VPS37A: variants seen among roughly 807,000 people sequenced by gnomAD.
VPS37A encodes the protein vacuolar protein sorting-associated protein 37A.
VPS37A carries 30 observed loss-of-function variants against 49.8 expected under a neutral mutation model. The observed-to-expected ratio is 0.60, with a 90% CI of 0.45 to 0.82. The LOEUF (loss-of-function observed/expected upper bound fraction) is 0.82. Among genes scored for constraint, VPS37A ranks in the 40% least tolerant of loss-of-function variants. The probability of loss-of-function intolerance (pLI) is 0.00; values close to 1 mark genes in which losing one functional copy is unlikely to be tolerated. For missense variants in VPS37A, 593 were observed against 464.4 expected, an observed-to-expected ratio of 1.28 and a Z score of -2.55; for synonymous variants, 195 against 160.6, an observed-to-expected ratio of 1.21 and a Z score of -1.62.
the VPS37A span, among the ~76,000 whole-genome samples, chr8:17,308,286 A>T: frequency 1.3e-5 from 2 of 152,050 alleles, no homozygotes; most frequent in Non-Finnish European, 2.9e-5. Flanking sequence ...TATCTTGGAG[A>T]TCCTAACTGC....
chr8:17,320,243 A>G, the VPS37A span, among the ~76,000 whole-genome samples: 1 of 152,164 alleles, frequency 6.6e-6, no homozygotes, highest in East Asian at 1.9e-4. Context: ...TTTTACTTCT[A>G]TGCACAGTAT....
At chr8:17,268,494 A>G in intron 3 of VPS37A, 122 bp downstream of exon 3, 1 of 731,632 alleles carries the variant, frequency 1.4e-6, no homozygotes, top group Non-Finnish European at 2.1e-6. Context: ...TTTTTTAAAA[A>G]TTGAATATTT....
At position 17,276,420 on chromosome 8, in the gene VPS37A, C is replaced by T. The variant is rs1814516653; in HGVS notation, c.666C>T (p.Tyr222=). ...SIPTSQNGFG[Y]KMPDVPDAFP... is the part of the protein sequence containing the mutation. ...AGACAAGCCAAAATGGTTTTGGGTA[C>T]AAGATGCCAGATGTCCCTGATGCAT... The change falls in exon 6 of 12, where the codon TAC becomes TAT. Residue 222 remains tyrosine (Y), a synonymous_variant. Coordinates refer to ENST00000324849, the MANE Select transcript of VPS37A (RefSeq NM_152415.3). The T allele has an allele frequency of 1.9e-6, 3 of 1,611,992 alleles. No homozygotes were observed. The South Asian group carries it at 3.3e-5, about 18-fold the overall frequency.
the VPS37A span, among the ~76,000 whole-genome samples, chr8:17,322,489 G>A: frequency 0.59 from 89,974 of 152,038 alleles, 28,757 homozygotes; most frequent in African/African-American, 0.83. Flanking sequence ...GGAAAAGTGA[G>A]TATTAACTGC....
downstream of VPS37A, chr8:17,304,464 A>G (rs370848870): frequency 5.6e-6 from 9 of 1,613,982 alleles, no homozygotes; most frequent in African/African-American, 1.3e-5. Flanking sequence ...GGATTCAGGT[A>G]GTCGGCCCGA....
rs773396639 is a variant in VPS37A, at chr8:17,274,776, G to A, written c.460G>A (p.Gly154Ser). ...PSGMSPYASQ[G>S]FPFLPPYPPQ... ...TGGGATGTCTCCTTATGCTTCTCAG[G>A]GTTTTCCATTTCTTCCTCCATATCC... is the stretch of plus-strand genomic sequence containing the variant. Residue 154 changes from glycine (G) to serine (S), a missense_variant, in exon 5 of 12, where the codon GGT becomes AGT. Gly to Ser is a moderately conservative substitution (Grantham distance 56, BLOSUM62 0). Coordinates refer to ENST00000324849, the MANE Select transcript of VPS37A (RefSeq NM_152415.3). The A allele has an allele frequency of 3.7e-6, 6 of 1,613,802 alleles. No individual in the cohort carries two copies. The East Asian group carries it at 1.1e-4, about 30-fold the overall frequency.
chr8:17,274,668 T>C, intron 4 of VPS37A, 65 bp from the exon 5 acceptor site: 1 of 1,346,140 alleles, frequency 7.4e-7, no homozygotes, highest in Non-Finnish European at 1.0e-6. Context: ...TAGAACAATT[T>C]AGAAACAATT....
intron 5 of VPS37A, 147 bp downstream of exon 5, chr8:17,275,105 T>A: frequency 1.4e-6 from 1 of 735,976 alleles, no homozygotes; most frequent in Non-Finnish European, 2.2e-6. Flanking sequence ...AAGTAACAGG[T>A]AACCAACAAA....
At chr8:17,280,507 C>T (rs1814955582) in intron 9 of VPS37A, 64 bp downstream of exon 9, 1 of 1,404,570 alleles carries the variant, frequency 7.1e-7, no homozygotes, top group East Asian at 2.3e-5. Context: ...TGCATGAGTC[C>T]TGATCTCACT....
rs919917656 is a variant in VPS37A, at chr8:17,297,881, T to C, written c.*2895T>C. 1 of 152,014 alleles carries C rather than the reference T, an allele frequency of 6.6e-6. No homozygotes were observed. Among genetic ancestry groups the C allele is most frequent in the African/African-American group, 2.4e-5 (1 of 41,422 alleles). 9.4% of individuals were successfully genotyped at this position (152,014 alleles called of 1,614,324 possible). A position where few individuals can be genotyped will look rare whatever the true frequency, so the allele number is the denominator to read the frequency against. ...GCAGACGAACATGTTACATAAATTATAATGTCTGTCTTGTAAAAAAGTTGA... is the reference window on the plus strand; with the variant it reads ...GCAGACGAACATGTTACATAAATTACAATGTCTGTCTTGTAAAAAAGTTGA... On this transcript the variant is annotated 3_prime_UTR_variant, in exon 12 of 12. Transcript: ENST00000324849.
chr8:17,313,477 G>T, the VPS37A span: 1 of 904,500 alleles, frequency 1.1e-6, no homozygotes, highest in South Asian at 1.8e-5. Context: ...TTTATAGGTA[G>T]TTTGTTAATG....
intron 1 of VPS37A, among the ~76,000 whole-genome samples, chr8:17,254,346 C>A (rs1812241047): frequency 6.6e-6 from 1 of 152,164 alleles, no homozygotes; most frequent in Non-Finnish European, 1.5e-5. Flanking sequence ...AGCTTAGAGG[C>A]TGTCTCTGTG....
At chr8:17,298,588 T>C (rs1212422021), downstream of VPS37A, 1 of 152,596 alleles carries the variant, frequency 6.6e-6, no homozygotes, top group Admixed American at 6.5e-5. Flanking sequence ...AATTGTAAAG[T>C]TTAAATTAAT....
At chr8:17,250,423 C>T (rs1811865425) in intron 1 of VPS37A, among the ~76,000 whole-genome samples, 1 of 152,126 alleles carries the variant, frequency 6.6e-6, no homozygotes, top group Non-Finnish European at 1.5e-5. Flanking sequence ...AAAGAATTTC[C>T]AGTGTGTTTT....
At chr8:17,249,327 G>A (rs1327102958) in intron 1 of VPS37A, among the ~76,000 whole-genome samples, 1 of 152,124 alleles carries the variant, frequency 6.6e-6, no homozygotes, top group African/African-American at 2.4e-5. Flanking sequence ...GTAAATACGC[G>A]GAGTTGGATA....
intron 4 of VPS37A, among the ~76,000 whole-genome samples, chr8:17,273,587 C>T (rs1366680228): frequency 6.6e-6 from 1 of 152,058 alleles, no homozygotes; most frequent in East Asian, 1.9e-4. Flanking sequence ...AGGATGGTCT[C>T]GATCCCCTGA....
At chr8:17,300,226 TAAGA>T, downstream of VPS37A, 2 of 1,596,504 alleles carry the variant, frequency 1.3e-6, no homozygotes, top group East Asian at 2.2e-5. Flanking sequence ...TTCCAGCCTC[TAAGA>T]AAGAAATAAC....
chr8:17,247,223 C>G lies in VPS37A; in HGVS notation c.-22C>G. On this transcript the variant is annotated 5_prime_UTR_variant, in exon 1 of 12. Transcript: ENST00000324849. The stretch of plus-strand genomic sequence containing the variant: ...AGCAGGCCAGAGCCTTCCAGGGCCT[C>G]CGGCCCGTGGACCCGAGGAGGATGA... 1 of 1,563,820 alleles carries G rather than the reference C, an allele frequency of 6.4e-7. No homozygotes were observed. Among genetic ancestry groups the G allele is most frequent in the African/African-American group, 1.4e-5 (1 of 73,704 alleles).
chr8:17,323,085 C>T, the VPS37A span, among the ~76,000 whole-genome samples: 2 of 151,316 alleles, frequency 1.3e-5, no homozygotes, highest in African/African-American at 2.4e-5. Context: ...GTAGCTGGGA[C>T]TACAGGCATA....
Sources: allele counts gnomAD v4.1 joint callset (sites outside exome capture counted in the v4.1 genomes callset), GRCh38; gene constraint gnomAD v4.1.1; transcripts MANE v1.5; gene names NCBI Gene and HGNC (gene_info 2026-07-23, HGNC 2026-07-21).